The following TEX10 variants were observed in gnomAD, a reference collection of about 807,000 sequenced individuals.
The protein encoded by TEX10 is testis expressed 10.
Under a neutral mutation model 104.4 loss-of-function variants are expected in TEX10, and 24 were observed. The ratio of observed to expected loss-of-function variants is 0.23; its 90% CI spans 0.17 to 0.32. The LOEUF is 0.32. Among genes scored for constraint, TEX10 ranks in the 10% least tolerant of loss-of-function variants. The probability of loss-of-function intolerance (pLI) is 1.00; values close to 1 mark genes in which losing one functional copy is unlikely to be tolerated. For synonymous variants in TEX10, 396 were observed against 393.4 expected, an observed-to-expected ratio of 1.01 and a Z score of -0.08; for missense variants, 921 against 1,083.9, an observed-to-expected ratio of 0.85 and a Z score of 2.11.
chr9:100,313,407 C>T (rs1011552730), intron 11 of TEX10, among the ~76,000 whole-genome samples: 9 of 150,768 alleles, frequency 6.0e-5, no homozygotes, highest in Non-Finnish European at 1.2e-4. Context: ...CCCAGCTACT[C>T]GGGAGGCTAA....
intron 11 of TEX10, among the ~76,000 whole-genome samples, chr9:100,319,061 G>A (rs866763460): frequency 1.6e-4 from 25 of 151,644 alleles, no homozygotes; most frequent in Non-Finnish European, 3.2e-4. Context: ...GAGTAGTGGC[G>A]GGCGCCTGTA....
chr9:100,328,685 C>G (rs1834770134), intron 7 of TEX10, among the ~76,000 whole-genome samples: 1 of 152,234 alleles, frequency 6.6e-6, no homozygotes, highest in South Asian at 2.1e-4. Context: ...AAATAAACCT[C>G]AAACTCACCT....
chr9:100,343,263 G>A (rs1224478686), intron 4 of TEX10, among the ~76,000 whole-genome samples: 7 of 150,860 alleles, frequency 4.6e-5, no homozygotes, highest in Non-Finnish European at 1.5e-5. Context: ...GCAACTAGAT[G>A]GGGGTAGGCA....
intron 4 of TEX10, among the ~76,000 whole-genome samples, chr9:100,340,595 C>T (rs1251710054): frequency 6.6e-6 from 1 of 152,128 alleles, no homozygotes; most frequent in Non-Finnish European, 1.5e-5. Context: ...TGCATTCTGT[C>T]TGCTGCTTAA....
At chr9:100,327,078 ACACAAAAGG>A (rs1834723618) in intron 8 of TEX10, among the ~76,000 whole-genome samples, 1 of 152,194 alleles carries the variant, frequency 6.6e-6, no homozygotes, top group Admixed American at 6.5e-5. Flanking sequence ...AACAAGCCAG[ACACAAAAGG>A]CCCCATGTTA....
At chr9:100,304,200 T>C (rs1014331214) in intron 13 of TEX10, 23 of 270,978 alleles carry the variant, frequency 8.5e-5, no homozygotes, top group Non-Finnish European at 1.2e-4. Context: ...TTCAACTGTA[T>C]TCCTATCAAA....
At chr9:100,339,611 C>G (rs1057298227) in intron 5 of TEX10, among the ~76,000 whole-genome samples, 2 of 151,932 alleles carry the variant, frequency 1.3e-5, no homozygotes, top group African/African-American at 4.8e-5. Flanking sequence ...GATAAAAGAG[C>G]CTTTGACAGA....
chr9:100,349,857 A>T (rs778394327), intron 1 of TEX10, among the ~76,000 whole-genome samples: 1 of 152,344 alleles, frequency 6.6e-6, no homozygotes, highest in South Asian at 2.1e-4. Flanking sequence ...TATGAACCTA[A>T]GCTGAGCATG....
intron 9 of TEX10, 64 bp from the exon 10 acceptor site, chr9:100,321,835 G>A: frequency 1.7e-6 from 2 of 1,207,046 alleles, no homozygotes; most frequent in South Asian, 2.5e-5. Flanking sequence ...GTCAAAGGTA[G>A]CACAGTATAT....
chr9:100,320,818 T>G lies in TEX10; in HGVS notation c.2069-420A>C, dbSNP rs1834550751. ...AGACCTTCAAATGTTTCAAAACTAC[T>G]CCATCCCCCTAGGTGTTTTTACTTT... On this transcript the variant is annotated intron_variant, in intron 10 of 14. Coordinates refer to ENST00000374902, the MANE Select transcript of TEX10 (RefSeq NM_017746.4). Among the ~76,000 whole-genome samples the G allele has an allele frequency of 3.9e-5, 6 of 152,366 alleles. No homozygotes were observed. In the South Asian group the frequency reaches 1.2e-3, roughly 32 times the overall value.
chr9:100,352,548 C>A (rs2118953659), intron 1 of TEX10: 40 of 1,545,796 alleles, frequency 2.6e-5, no homozygotes, highest in Non-Finnish European at 3.5e-5. Context: ...GGCGAACCCG[C>A]CCAGTCACCT....
intron 9 of TEX10, 77 bp downstream of exon 9, chr9:100,326,225 C>G: frequency 6.7e-7 from 1 of 1,496,152 alleles, no homozygotes; most frequent in South Asian, 1.3e-5. Context: ...CTTCAAAAGG[C>G]TTCCGTAATT....
At chr9:100,331,323 G>A (rs757530300) in intron 5 of TEX10, among the ~76,000 whole-genome samples, 1 of 152,126 alleles carries the variant, frequency 6.6e-6, no homozygotes, top group Non-Finnish European at 1.5e-5. Flanking sequence ...TGTAGTCCTA[G>A]CTACTCAGGA....
At chr9:100,340,784 C>T (rs1341376349) in intron 4 of TEX10, among the ~76,000 whole-genome samples, 2 of 152,188 alleles carry the variant, frequency 1.3e-5, no homozygotes, top group African/African-American at 2.4e-5. Flanking sequence ...ACTTAAAATG[C>T]TTCAGTAGTA....
intron 5 of TEX10, among the ~76,000 whole-genome samples, chr9:100,330,976 C>G (rs1479520176): frequency 6.6e-6 from 1 of 152,098 alleles, no homozygotes; most frequent in Non-Finnish European, 1.5e-5. Flanking sequence ...AAAATTAAAG[C>G]CAGGCATGGG....
At position 100,308,615 on chromosome 9, in the gene TEX10, C is replaced by G. The variant is rs1248816201; in HGVS notation, c.2350G>C (p.Asp784His). 3 of 1,612,340 alleles carry G rather than the reference C, an allele frequency of 1.9e-6. No homozygotes were observed. Among genetic ancestry groups the G allele is most frequent in the Non-Finnish European group, 2.5e-6 (3 of 1,179,112 alleles). ...CVFGVICKLLDHTCVVSETLL... is the reference protein window; with the variant it reads ...CVFGVICKLLHHTCVVSETLL... ...GTCTCACTAACTACACAAGTATGATCCAGGAGCTTACAGATAACACCAAAA... is the reference window on the plus strand; with the variant it reads ...GTCTCACTAACTACACAAGTATGATGCAGGAGCTTACAGATAACACCAAAA... Residue 784 changes from aspartate (D) to histidine (H), a missense_variant, in exon 13 of 15, where the codon GAT becomes CAT. Transcript: ENST00000374902.
At chr9:100,316,054 T>G (rs1383168666) in intron 11 of TEX10, among the ~76,000 whole-genome samples, 1 of 152,252 alleles carries the variant, frequency 6.6e-6, no homozygotes, top group Non-Finnish European at 1.5e-5. Flanking sequence ...TTAGTCACTT[T>G]ACATAAGTCC....
At chr9:100,319,609 A>G (rs564749112) in intron 11 of TEX10, among the ~76,000 whole-genome samples, 1 of 152,174 alleles carries the variant, frequency 6.6e-6, no homozygotes, top group African/African-American at 2.4e-5. Flanking sequence ...GTTCGAGACC[A>G]GCCTGGCCAA....
At chr9:100,322,285 T>C (rs1834589805) in intron 9 of TEX10, among the ~76,000 whole-genome samples, 1 of 152,224 alleles carries the variant, frequency 6.6e-6, no homozygotes, top group Non-Finnish European at 1.5e-5. Flanking sequence ...ACTAGGTCTA[T>C]TTCACAATAG....
Sources: gnomAD v4.1 joint callset for allele counts (sites outside exome capture counted in the v4.1 genomes callset) on GRCh38, gnomAD v4.1.1 for gene constraint, MANE v1.5 for transcripts, NCBI Gene and HGNC (gene_info 2026-07-23, HGNC 2026-07-21) for gene names.